Variants in LPCAT3 observed in about 807,000 individuals in gnomAD.
LPCAT3 encodes the protein lysophospholipid acyltransferase 5.
A neutral mutation model predicts 63.4 loss-of-function variants in LPCAT3; 21 were observed. That is an observed-to-expected ratio of 0.33 (90% CI 0.23 to 0.48). LPCAT3 has a LOEUF of 0.48. Ranked by LOEUF, LPCAT3 falls within the 20% of genes least tolerant of loss-of-function variation. The pLI is 0.99. For missense variants in LPCAT3, 451 were observed against 590.6 expected (o/e 0.76, Z 2.45); for synonymous variants, 242 against 227.5 (o/e 1.06, Z -0.58).
chr12:6,977,812 G>A lies in LPCAT3; in HGVS notation c.1041-67C>T. ...TCCTTGCATCCCGCCACCTGCCTCT[G>A]GGTCCTCACCCTGAGGATTGGATTG... On this transcript the variant is annotated intron_variant, in intron 9 of 12. Coordinates refer to ENST00000261407, the MANE Select transcript of LPCAT3 (RefSeq NM_005768.6). The surrounding 1 kb of genome is among the most constrained non-coding windows in gnomAD (Gnocchi z 4.5). 6.3e-7 allele frequency: 1 copy of A among 1,588,708 alleles called. No individual in the cohort carries two copies. Among genetic ancestry groups the A allele is most frequent in the Admixed American group, 1.7e-5 (1 of 59,512 alleles).
At chr12:7,012,661 A>T (rs1946771186) in intron 1 of LPCAT3, among the ~76,000 whole-genome samples, 1 of 152,158 alleles carries the variant, frequency 6.6e-6, no homozygotes, top group African/African-American at 2.4e-5. Flanking sequence ...TATGATACCA[A>T]TACTGTCTCC....
In LPCAT3 at chr12:6,986,916, C is replaced by T. The variant is rs183683866; in HGVS notation, c.152-3377G>A. 1.9e-3 allele frequency among the ~76,000 whole-genome samples: 287 copies of T among 151,540 alleles called. 2 individuals are homozygous for T. In the South Asian group the frequency reaches 0.031, roughly 16 times the overall value. On this transcript the variant is annotated intron_variant, in intron 1 of 12. Coordinates refer to ENST00000261407, the MANE Select transcript of LPCAT3 (RefSeq NM_005768.6). The stretch of plus-strand genomic sequence containing the variant: ...GTCGCCTGAGATCAGGAGTTTGAGA[C>T]GAGCCTGGCCAACATGGTGAAACCC...
At chr12:7,006,445 C>G (rs888824218) in intron 1 of LPCAT3, among the ~76,000 whole-genome samples, 18 of 152,190 alleles carry the variant, frequency 1.2e-4, no homozygotes, top group African/African-American at 4.1e-4. Context: ...TCTCCAACTC[C>G]TGACCTCAAA....
intron 7 of LPCAT3, chr12:6,979,224 G>A (rs1946443958): frequency 3.7e-6 from 2 of 535,824 alleles, no homozygotes; most frequent in South Asian, 2.4e-5. Flanking sequence ...AGCTAGGAGC[G>A]GCTCCTAGAG....
intron 4 of LPCAT3, 86 bp from the exon 5 acceptor site, chr12:6,981,718 TGGCGGGG>T: frequency 3.5e-6 from 1 of 285,268 alleles, no homozygotes; most frequent in Non-Finnish European, 6.4e-6. Flanking sequence ...CAGAAGTGTA[TGGCGGGG>T]GGCGGAGGGG....
chr12:7,006,348 A>T (rs1946724359), intron 1 of LPCAT3, among the ~76,000 whole-genome samples: 1 of 152,130 alleles, frequency 6.6e-6, no homozygotes, highest in African/African-American at 2.4e-5. Flanking sequence ...CCTCCTGAGT[A>T]GCTGGGATTA....
chr12:6,977,356 C>A lies in LPCAT3; in HGVS notation c.1347+11G>T. The A allele has an allele frequency of 4.3e-6, 7 of 1,614,126 alleles. No homozygotes were observed. The highest frequency in any genetic ancestry group is 5.9e-6 in the Non-Finnish European group (7 of 1,179,980). ...AGTCCCTCCCAGTCTCACAAGCAGGCCTTCACTTGCCTTAAGCCATTTGTC... is the reference window on the plus strand; with the variant it reads ...AGTCCCTCCCAGTCTCACAAGCAGGACTTCACTTGCCTTAAGCCATTTGTC... On this transcript the variant is annotated intron_variant, in intron 11 of 12. Transcript: ENST00000261407. The surrounding 1 kb of genome is among the most constrained non-coding windows in gnomAD (Gnocchi z 4.5).
intron 4 of LPCAT3, 41 bp downstream of exon 4, chr12:6,981,770 G>A (rs1287453469): frequency 6.5e-7 from 1 of 1,528,240 alleles, no homozygotes; most frequent in African/African-American, 1.4e-5. Context: ...GATGGGGGAG[G>A]GACCTACATG....
rs1398717271 is a variant in LPCAT3, at chr12:6,987,275, A to G, written c.152-3736T>C. Among the ~76,000 whole-genome samples the G allele has an allele frequency of 9.8e-5, 15 of 152,332 alleles. No individual in the cohort carries two copies. In the East Asian group the frequency reaches 1.9e-3, roughly 20 times the overall value. ...ACCAAGTGTTTAGTAAATGCCTGCT[A>G]TATGCCAGGTATTCTGTTTATGAAG... On this transcript the variant is annotated intron_variant, in intron 1 of 12. Transcript: ENST00000261407. The surrounding 1 kb of genome is among the most constrained non-coding windows in gnomAD (Gnocchi z 4.1).
chr12:6,989,373 A>C (rs12830597), intron 1 of LPCAT3, among the ~76,000 whole-genome samples: 9 of 147,150 alleles, frequency 6.1e-5, no homozygotes, highest in Non-Finnish European at 1.2e-4. Flanking sequence ...GCAGTGGTGC[A>C]ATCTCGGCTC....
chr12:7,011,844 G>A (rs1396309886), intron 1 of LPCAT3, among the ~76,000 whole-genome samples: 1 of 151,998 alleles, frequency 6.6e-6, no homozygotes, highest in Non-Finnish European at 1.5e-5. Context: ...TAGAATTTTT[G>A]GACCCTGCTT....
chr12:6,982,774 G>A lies in LPCAT3; in HGVS notation c.268C>T (p.Leu90Phe). Residue 90 changes from leucine (L) to phenylalanine (F), a missense_variant, in exon 3 of 13, where the codon CTC becomes TTC. Transcript: ENST00000261407. ...SIAYFNFGNQLYHSLLCIVLQ... is the reference protein window; with the variant it reads ...SIAYFNFGNQFYHSLLCIVLQ... ...ACAATACACAGCAGGGAGTGGTAGA[G>A]CTGGTTTCCTGGATGCAAGAAGAGA... is the stretch of plus-strand genomic sequence containing the variant. 4 of 1,612,012 alleles carry A rather than the reference G, an allele frequency of 2.5e-6. No individual in the cohort carries two copies. Among genetic ancestry groups the A allele is most frequent in the Non-Finnish European group, 3.4e-6 (4 of 1,178,184 alleles).
intron 1 of LPCAT3, among the ~76,000 whole-genome samples, chr12:6,995,204 G>A (rs986576111): frequency 6.6e-6 from 1 of 151,464 alleles, no homozygotes; most frequent in African/African-American, 2.4e-5. Flanking sequence ...CCAGGGCATG[G>A]TGGCTCCACG....
intron 7 of LPCAT3, chr12:6,978,957 G>A (rs1555153695): frequency 2.2e-6 from 1 of 445,370 alleles, no homozygotes; most frequent in Non-Finnish European, 4.0e-6. Context: ...CGTTGGCAAA[G>A]TGTTTGGAAT....
chr12:7,009,796 T>C (rs1278489155), intron 1 of LPCAT3, among the ~76,000 whole-genome samples: 1 of 152,236 alleles, frequency 6.6e-6, no homozygotes, highest in East Asian at 1.9e-4. Flanking sequence ...CAAAAGAGTA[T>C]GCCTAAGCAG....
In LPCAT3 at chr12:6,978,386, C is replaced by G; in HGVS notation, c.995G>C (p.Gly332Ala). 6.2e-7 allele frequency: 1 copy of G among 1,613,588 alleles called. No homozygotes were observed. The highest frequency in any genetic ancestry group is 8.5e-7 in the Non-Finnish European group (1 of 1,179,850). ...WLFETNPRFT[G>A]TIASFNINTN... ...GTTGATGTTGAATGAGGCAATGGTG[C>G]CAGTGAAGCGGGGGTTTGTTTCAAA... Residue 332 changes from glycine to alanine, a missense_variant, in exon 9 of 13, where the codon GGC becomes GCC. This residue lies in a region of LPCAT3 where 304 missense variants were observed against 390.8 expected (regional missense o/e 0.78). Transcript: ENST00000261407.
intron 2 of LPCAT3, 28 bp from the exon 3 acceptor site, chr12:6,982,810 T>G: frequency 6.8e-7 from 1 of 1,476,934 alleles, no homozygotes; most frequent in Non-Finnish European, 9.5e-7. Context: ...GAATTTAGCC[T>G]GGTTTTTACA....
intron 1 of LPCAT3, among the ~76,000 whole-genome samples, chr12:6,992,922 TACCTAATATAA>T (rs1565602017): frequency 6.6e-6 from 1 of 152,226 alleles, no homozygotes; most frequent in African/African-American, 2.4e-5. Context: ...TTACTCATAA[TACCTAATATAA>T]TGTAAATGCA....
intron 1 of LPCAT3, among the ~76,000 whole-genome samples, chr12:7,000,587 C>CAA (rs1238673937): frequency 0.054 from 2,468 of 45,378 alleles, 205 homozygotes; most frequent in African/African-American, 0.14. Context: ...GACTCAGTCT[C>CAA]AAAAAAAAAA....
Sources: allele counts gnomAD v4.1 joint callset (sites outside exome capture counted in the v4.1 genomes callset), GRCh38; gene constraint gnomAD v4.1.1; regional missense constraint gnomAD v4.1.1; non-coding constraint Gnocchi (gnomAD v3.1); transcripts MANE v1.5; gene names NCBI Gene and HGNC (gene_info 2026-07-23, HGNC 2026-07-21).